SPOP: variants seen among roughly 807,000 people sequenced by gnomAD.
SPOP encodes speckle-type POZ protein.
In SPOP, 11 loss-of-function variants were observed where a neutral mutation model predicts 45.6. The ratio of observed to expected loss-of-function variants is 0.24; its 90% CI spans 0.15 to 0.40. The LOEUF (loss-of-function observed/expected upper bound fraction) is 0.40, where lower values mean the gene tolerates loss of function less well. Among genes scored for constraint, SPOP ranks in the 10% least tolerant of loss-of-function variants. SPOP has a pLI of 1.00. For synonymous variants in SPOP, 166 were observed against 166.3 expected (o/e 1.00, Z 0.01); for missense variants, 152 against 465.6 (o/e 0.33, Z 6.20).
At chr17:49,664,571 A>C (rs1161000198) in intron 1 of SPOP, among the ~76,000 whole-genome samples, 1 of 152,190 alleles carries the variant, frequency 6.6e-6, no homozygotes, top group Non-Finnish European at 1.5e-5. Flanking sequence ...GGTCCTCAAA[A>C]GTTTTTAACA....
At chr17:49,605,332 TG>T (rs1597903570) in intron 8 of SPOP, among the ~76,000 whole-genome samples, 1 of 152,184 alleles carries the variant, frequency 6.6e-6, no homozygotes, top group Non-Finnish European at 1.5e-5. Flanking sequence ...TCACTATCCT[TG>T]GGGGACTGGG....
rs761155742 is a variant in SPOP at position 49,600,401 on chromosome 17, G to C, written c.1102C>G (p.Arg368Gly). The C allele has an allele frequency of 6.2e-7, 1 of 1,614,002 alleles. No homozygotes were observed. Among genetic ancestry groups the C allele is most frequent in the Non-Finnish European group, 8.5e-7 (1 of 1,180,022 alleles). The change falls in exon 10 of 10, where the codon CGC becomes GGC. Residue 368 changes from arginine to glycine, a missense_variant. By Grantham distance (125) the Arg-to-Gly change is moderately radical. Coordinates refer to ENST00000504102, the MANE Select transcript of SPOP (RefSeq NM_001007228.2). The surrounding 1 kb of genome is among the most constrained non-coding windows in gnomAD (Gnocchi z 4.2). ...SAQCPFLGPP[R>G]KRLKQS The stretch of plus-strand genomic sequence containing the variant: ...TCTTAGGATTGCTTCAGGCGTTTGC[G>C]TGGGGGTCCCAGAAAAGGGCACTGT...
chr17:49,633,813 C>T (rs2072494639), intron 1 of SPOP, among the ~76,000 whole-genome samples: 1 of 152,044 alleles, frequency 6.6e-6, no homozygotes, highest in South Asian at 2.1e-4. Flanking sequence ...TTAATTTAGG[C>T]ACAAAGGATT....
intron 1 of SPOP, among the ~76,000 whole-genome samples, chr17:49,676,607 T>C (rs1417751622): frequency 3.3e-5 from 5 of 152,182 alleles, no homozygotes; most frequent in African/African-American, 1.2e-4. Flanking sequence ...GGAGACGGGA[T>C]TGGCAAGGAG....
At chr17:49,676,615 G>C (rs1237956635) in intron 1 of SPOP, among the ~76,000 whole-genome samples, 2 of 152,094 alleles carry the variant, frequency 1.3e-5, no homozygotes, top group African/African-American at 4.8e-5. Flanking sequence ...GATTGGCAAG[G>C]AGAACTGAAA....
chr17:49,654,757 C>G (rs1329590386), intron 1 of SPOP, among the ~76,000 whole-genome samples: 3 of 152,002 alleles, frequency 2.0e-5, no homozygotes, highest in South Asian at 4.1e-4. Context: ...TGCACTCTAG[C>G]CTGAGTGACA....
intron 8 of SPOP, among the ~76,000 whole-genome samples, chr17:49,603,453 G>A (rs2071777398): frequency 6.6e-6 from 1 of 152,130 alleles, no homozygotes; most frequent in South Asian, 2.1e-4. Flanking sequence ...TTGTCCCTTG[G>A]GGACAAAGTT....
intron 8 of SPOP, among the ~76,000 whole-genome samples, chr17:49,606,025 G>A (rs933810745): frequency 6.6e-6 from 1 of 151,394 alleles, no homozygotes; most frequent in South Asian, 2.1e-4. Context: ...TAAATAGGCA[G>A]TATTTCCCTG....
chr17:49,599,840 T>G lies in SPOP; in HGVS notation c.*538A>C. 1 of 216,042 alleles carries G rather than the reference T, an allele frequency of 4.6e-6. No individual in the cohort carries two copies. The highest frequency in any genetic ancestry group is 6.9e-5 in the East Asian group (1 of 14,408). 13.4% of individuals were successfully genotyped at this position (216,042 alleles called of 1,614,324 possible). ...GAGAGCTCTTCTGATGCTTGTATGG[T>G]GGTAAGGAGTTTTCACAAATATCCA... On this transcript the variant is annotated 3_prime_UTR_variant, in exon 10 of 10. Transcript: ENST00000504102.
At chr17:49,675,543 T>A (rs930760976) in intron 1 of SPOP, among the ~76,000 whole-genome samples, 1 of 152,240 alleles carries the variant, frequency 6.6e-6, no homozygotes, top group Non-Finnish European at 1.5e-5. Context: ...TCACTCTCTG[T>A]GTACCTTTTG....
At chr17:49,627,171 T>C (rs1455785869) in intron 1 of SPOP, among the ~76,000 whole-genome samples, 1 of 152,210 alleles carries the variant, frequency 6.6e-6, no homozygotes, top group Non-Finnish European at 1.5e-5. Flanking sequence ...TTAAAGAATC[T>C]GTGAAATCAC....
intron 1 of SPOP, among the ~76,000 whole-genome samples, chr17:49,637,784 A>G (rs1425310335): frequency 6.6e-6 from 1 of 152,266 alleles, no homozygotes; most frequent in East Asian, 1.9e-4. Flanking sequence ...AATTATTATA[A>G]GTTTTTATGT....
At chr17:49,675,396 A>C (rs2073186051) in intron 1 of SPOP, among the ~76,000 whole-genome samples, 1 of 152,234 alleles carries the variant, frequency 6.6e-6, no homozygotes, top group Admixed American at 6.5e-5. Context: ...TAAAACAAAC[A>C]AAAACAAAAA....
At chr17:49,657,208 G>T (rs1471606858) in intron 1 of SPOP, among the ~76,000 whole-genome samples, 2 of 150,692 alleles carry the variant, frequency 1.3e-5, no homozygotes, top group Non-Finnish European at 3.0e-5. Context: ...AAAAAAAAAA[G>T]AATAAAGTTG....
rs959856805 is a variant in SPOP, at chr17:49,678,028, A to C, written c.-162T>G. 1 of 399,168 alleles carries C rather than the reference A, an allele frequency of 2.5e-6. No homozygotes were observed. Among genetic ancestry groups the C allele is most frequent in the African/African-American group, 2.1e-5 (1 of 48,486 alleles). 24.7% of individuals were successfully genotyped at this position (399,168 alleles called of 1,614,324 possible). On this transcript the variant is annotated 5_prime_UTR_variant, in exon 1 of 10. Coordinates refer to ENST00000504102, the MANE Select transcript of SPOP (RefSeq NM_001007228.2). ...GACCTGCGGGACCGCCGATACACAA[A>C]TACACACACACTCGGAGCGCGCACA...
At chr17:49,607,126 G>C (rs2071867261) in intron 8 of SPOP, 124 bp downstream of exon 8, 2 of 1,195,988 alleles carry the variant, frequency 1.7e-6, no homozygotes, top group Non-Finnish European at 2.4e-6. Context: ...TGTAAACCAG[G>C]ACCGTCTTGG....
intron 1 of SPOP, among the ~76,000 whole-genome samples, chr17:49,628,538 A>C (rs1234432445): frequency 6.6e-6 from 1 of 152,218 alleles, no homozygotes; most frequent in African/African-American, 2.4e-5. Flanking sequence ...GACAAAAAAA[A>C]AAAATGAATT....
intron 1 of SPOP, among the ~76,000 whole-genome samples, chr17:49,660,952 C>A (rs2143531146): frequency 6.6e-6 from 1 of 152,258 alleles, no homozygotes; most frequent in Admixed American, 6.5e-5. Context: ...TGTGACAGAG[C>A]AAGACTCCAT....
At chr17:49,609,533 CAATGTATAAAGGGATTGG>C (rs1026470051) in intron 6 of SPOP, among the ~76,000 whole-genome samples, 5 of 151,998 alleles carry the variant, frequency 3.3e-5, no homozygotes, top group African/African-American at 1.2e-4. Context: ...CAGGGCTCAC[CAATGTATAAAGGGATTGG>C]TGAGGAAGAA....
Sources: allele counts gnomAD v4.1 joint callset (sites outside exome capture counted in the v4.1 genomes callset), GRCh38; gene constraint gnomAD v4.1.1; non-coding constraint Gnocchi (gnomAD v3.1); transcripts MANE v1.5; gene names NCBI Gene and HGNC (gene_info 2026-07-23, HGNC 2026-07-21).